The following KIFAP3 variants were observed in gnomAD, a reference collection of about 807,000 sequenced individuals.
The protein encoded by KIFAP3 is kinesin associated protein 3, also known as kinesin-associated protein 3.
KIFAP3 carries 68 observed loss-of-function variants against 106.5 expected under a neutral mutation model. The observed-to-expected ratio is 0.64, with a 90% CI of 0.53 to 0.78. The LOEUF is 0.78. Among genes scored for constraint, KIFAP3 ranks in the 30% least tolerant of loss-of-function variants. The probability of loss-of-function intolerance (pLI) is 0.00; values close to 1 mark genes in which losing one functional copy is unlikely to be tolerated. For missense variants in KIFAP3, 780 were observed against 941.8 expected (o/e 0.83, Z 2.25); for synonymous variants, 320 against 311.5 (o/e 1.03, Z -0.29).
chr1:170,001,957 A>G (rs575274353), intron 10 of KIFAP3, among the ~76,000 whole-genome samples: 2 of 152,272 alleles, frequency 1.3e-5, no homozygotes, highest in East Asian at 3.9e-4. Context: ...AAATAAGTGA[A>G]TTTAAAATTG....
At chr1:169,990,537 AT>A (rs1443694057) in intron 11 of KIFAP3, among the ~76,000 whole-genome samples, 2 of 152,186 alleles carry the variant, frequency 1.3e-5, no homozygotes, top group African/African-American at 4.8e-5. Flanking sequence ...TTAGAAAACT[AT>A]TTTATAAAAA....
chr1:170,041,987 CT>C, intron 3 of KIFAP3: 1 of 598,992 alleles, frequency 1.7e-6, no homozygotes, highest in Non-Finnish European at 2.5e-6. Flanking sequence ...CATGTCTGTT[CT>C]TATCTTGTCC....
intron 9 of KIFAP3, among the ~76,000 whole-genome samples, chr1:170,017,221 C>A (rs893283144): frequency 7.7e-6 from 1 of 129,216 alleles, no homozygotes; most frequent in Non-Finnish European, 1.6e-5. Flanking sequence ...CATGCTACTG[C>A]ATTCCAGCCT....
intron 3 of KIFAP3, chr1:170,041,639 G>A (rs572684615): frequency 1.3e-6 from 2 of 1,501,506 alleles, no homozygotes; most frequent in South Asian, 2.4e-5. Flanking sequence ...GCCAGGGGCT[G>A]TCTCTGGTGC....
chr1:169,967,577 G>C (rs1470856196), intron 17 of KIFAP3, among the ~76,000 whole-genome samples: 2 of 151,794 alleles, frequency 1.3e-5, no homozygotes, highest in Non-Finnish European at 3.0e-5. Flanking sequence ...ACTGAAGTAT[G>C]CAACCTTCTA....
At chr1:170,057,559 C>G (rs1006940795) in intron 1 of KIFAP3, among the ~76,000 whole-genome samples, 1 of 149,500 alleles carries the variant, frequency 6.7e-6, no homozygotes, top group Non-Finnish European at 1.5e-5. Context: ...TCTATCTATA[C>G]TAAATAATAT....
chr1:169,954,992 G>T (rs1421405147), intron 18 of KIFAP3, among the ~76,000 whole-genome samples: 1 of 152,124 alleles, frequency 6.6e-6, no homozygotes, highest in Non-Finnish European at 1.5e-5. Flanking sequence ...AGAATAAAAA[G>T]AATCTGAGGA....
chr1:169,972,997 AAG>A (rs989841650), intron 16 of KIFAP3, among the ~76,000 whole-genome samples: 1 of 150,582 alleles, frequency 6.6e-6, no homozygotes, highest in African/African-American at 2.4e-5. Flanking sequence ...CAAAACTAAC[AAG>A]AGAGATTCAT....
Position 169,960,020 on chromosome 1 carries a change from A to C in KIFAP3, c.2173+1026T>G, listed in dbSNP as rs533380982. On this transcript the variant is annotated intron_variant, in intron 18 of 19. Transcript: ENST00000361580. ...TGATTTAAGTATCTATACCAAATAC[A>C]AAAAATAATACATAATATCTATGGA... Among the ~76,000 whole-genome samples the C allele has an allele frequency of 5.9e-5, 9 of 152,254 alleles. No individual in the cohort carries two copies. In the East Asian group the frequency reaches 1.7e-3, roughly 29 times the overall value.
At chr1:170,022,631 T>G (rs1290158003) in intron 9 of KIFAP3, among the ~76,000 whole-genome samples, 1 of 152,170 alleles carries the variant, frequency 6.6e-6, no homozygotes, top group Non-Finnish European at 1.5e-5. Context: ...CTAAAAATCT[T>G]GATTCTACAG....
intron 19 of KIFAP3, among the ~76,000 whole-genome samples, chr1:169,925,899 A>T (rs1257639962): frequency 6.6e-6 from 1 of 152,190 alleles, no homozygotes; most frequent in Non-Finnish European, 1.5e-5. Flanking sequence ...AACGAGATAA[A>T]AGCAACACAA....
At chr1:170,074,221 G>A (rs759642054) in intron 1 of KIFAP3, among the ~76,000 whole-genome samples, 2 of 152,100 alleles carry the variant, frequency 1.3e-5, no homozygotes, top group Non-Finnish European at 2.9e-5. Context: ...AATGCTGTCA[G>A]GGCTCCGCCG....
intron 1 of KIFAP3, among the ~76,000 whole-genome samples, chr1:170,064,484 G>A (rs931095801): frequency 1.3e-5 from 2 of 152,132 alleles, no homozygotes; most frequent in Non-Finnish European, 1.5e-5. Flanking sequence ...CTTCCAAGTA[G>A]CTGGGACTAC....
intron 19 of KIFAP3, among the ~76,000 whole-genome samples, chr1:169,930,254 C>T (rs1663388693): frequency 6.6e-6 from 1 of 152,148 alleles, no homozygotes; most frequent in Non-Finnish European, 1.5e-5. Flanking sequence ...AATTCTTGGG[C>T]ATCCTAACAC....
chr1:170,069,185 G>C (rs1274064333), intron 1 of KIFAP3, among the ~76,000 whole-genome samples: 1 of 151,982 alleles, frequency 6.6e-6, no homozygotes, highest in East Asian at 1.9e-4. Flanking sequence ...CAGAAAATCT[G>C]AACAGAATTA....
chr1:170,073,280 G>A (rs1277445285), intron 1 of KIFAP3, among the ~76,000 whole-genome samples: 1 of 152,140 alleles, frequency 6.6e-6, no homozygotes, highest in Non-Finnish European at 1.5e-5. Context: ...GACAAAGTCT[G>A]GCTATTTGCC....
chr1:170,024,536 T>C lies in KIFAP3; in HGVS notation c.902A>G (p.Asn301Ser). ...CACCAACATGTGAACTATGTTCTTG[T>C]TCCTCATTTTCAGTTCGGTACGAGT... ...EDTRTELKMR[N>S]KNIVHMLVKA... The change falls in exon 9 of 20, where the codon AAC becomes AGC. Residue 301 changes from asparagine (N) to serine (S), a missense_variant. By Grantham distance (46) the Asn-to-Ser change is conservative (BLOSUM62 1). Coordinates refer to ENST00000361580, the MANE Select transcript of KIFAP3 (RefSeq NM_014970.4). 1 of 1,605,660 alleles carries C rather than the reference T, an allele frequency of 6.2e-7. No homozygotes were observed.
rs1048314893 is a variant in KIFAP3, at chr1:169,990,158, A to G, written c.1284+1997T>C. On this transcript the variant is annotated intron_variant, in intron 11 of 19. Coordinates refer to ENST00000361580, the MANE Select transcript of KIFAP3 (RefSeq NM_014970.4). ...CATATTTACAAGAAGCACAGAGTTC[A>G]GTATGAAATGAGAACACTTTACAGA... 57 of 1,489,648 alleles carry G rather than the reference A, an allele frequency of 3.8e-5. No homozygotes were observed. The Admixed American group carries it at 1.3e-3, about 33-fold the overall frequency. 92.3% of individuals were successfully genotyped at this position (1,489,648 alleles called of 1,614,324 possible). A position where few individuals can be genotyped will look rare whatever the true frequency, so the allele number is the denominator to read the frequency against.
chr1:169,950,847 T>A (rs1440141897), intron 19 of KIFAP3, among the ~76,000 whole-genome samples: 2 of 152,002 alleles, frequency 1.3e-5, no homozygotes, highest in African/African-American at 4.8e-5. Flanking sequence ...AGCCATAGTT[T>A]AAAATTTCAC....
Sources: allele counts gnomAD v4.1 joint callset (sites outside exome capture counted in the v4.1 genomes callset), GRCh38; gene constraint gnomAD v4.1.1; transcripts MANE v1.5; gene names NCBI Gene and HGNC (gene_info 2026-07-23, HGNC 2026-07-21).